PDGFD: variants seen among roughly 807,000 people sequenced by gnomAD.
PDGFD encodes platelet derived growth factor D, also known as platelet-derived growth factor D.
PDGFD carries 30 observed loss-of-function variants against 44.7 expected under a neutral mutation model. That is an observed-to-expected ratio of 0.67 (90% CI 0.50 to 0.91). PDGFD has a LOEUF of 0.91. Among genes scored for constraint, PDGFD ranks in the 40% least tolerant of loss-of-function variants. The probability of loss-of-function intolerance (pLI) is 0.00; values close to 1 mark genes in which losing one functional copy is unlikely to be tolerated. For synonymous variants in PDGFD, 173 were observed against 168.4 expected, an observed-to-expected ratio of 1.03 and a Z score of -0.21; for missense variants, 445 against 457.8, an observed-to-expected ratio of 0.97 and a Z score of 0.25.
At chr11:104,024,751 A>G (rs1183204808) in intron 1 of PDGFD, among the ~76,000 whole-genome samples, 1 of 152,210 alleles carries the variant, frequency 6.6e-6, no homozygotes, top group Non-Finnish European at 1.5e-5. Context: ...TAAGTGGTGC[A>G]TGACTGTACT....
At position 104,036,892 on chromosome 11, in the gene PDGFD, G is replaced by A. The variant is rs753855229; in HGVS notation, c.125-36637C>T. On this transcript the variant is annotated intron_variant, in intron 1 of 6. Transcript: ENST00000393158. ...CACCTTCTCTCTCCAGGTCAGCCCC[G>A]ACTTTGAGCTCCGAAACTTCAAGGT... The A allele has an allele frequency of 2.1e-5, 34 of 1,614,004 alleles. No individual in the cohort carries two copies. In the South Asian group the frequency reaches 3.2e-4, roughly 15 times the overall value.
rs535995234 is a variant in PDGFD at position 104,162,469 on chromosome 11, T to G, written c.124+1335A>C. On this transcript the variant is annotated intron_variant, in intron 1 of 6. Transcript: ENST00000393158. ...TCCTTAAGTGTAGTAAAAAAATAAATAAATAAATAAATTACGTGCTTTTAA... is the reference window on the plus strand; with the variant it reads ...TCCTTAAGTGTAGTAAAAAAATAAAGAAATAAATAAATTACGTGCTTTTAA... Among the ~76,000 whole-genome samples, 9 of 152,018 alleles carry G rather than the reference T, an allele frequency of 5.9e-5. 1 individual carries two copies. In the South Asian group the frequency reaches 1.9e-3, roughly 32 times the overall value.
intron 3 of PDGFD, among the ~76,000 whole-genome samples, chr11:103,985,103 A>T: frequency 9.0e-6 from 1 of 111,436 alleles, no homozygotes; most frequent in African/African-American, 3.6e-5. Flanking sequence ...TTATATATTA[A>T]TTTATTTAAT....
chr11:103,945,754 G>C (rs1191339298), intron 4 of PDGFD: 1 of 152,228 alleles, frequency 6.6e-6, no homozygotes, highest in African/African-American at 2.4e-5. Context: ...ATCTCTCTCA[G>C]AGAAAGCTGT....
chr11:104,131,075 T>C (rs765258623), intron 1 of PDGFD, among the ~76,000 whole-genome samples: 2 of 152,172 alleles, frequency 1.3e-5, no homozygotes, highest in Non-Finnish European at 2.9e-5. Context: ...GAAAATATAT[T>C]GTTCATTGTT....
chr11:103,970,801 C>A (rs1859092443), intron 3 of PDGFD, among the ~76,000 whole-genome samples: 1 of 152,060 alleles, frequency 6.6e-6, no homozygotes, highest in African/African-American at 2.4e-5. Flanking sequence ...AACTAGAAGT[C>A]AGGGCATGAA....
chr11:103,991,162 A>T (rs1184003848), intron 3 of PDGFD, among the ~76,000 whole-genome samples: 1 of 151,780 alleles, frequency 6.6e-6, no homozygotes, highest in Non-Finnish European at 1.5e-5. Flanking sequence ...AAAAAAATTC[A>T]GCTTAGGAGG....
chr11:104,035,043 T>C (rs780235268), intron 1 of PDGFD, among the ~76,000 whole-genome samples: 1 of 151,904 alleles, frequency 6.6e-6, no homozygotes, highest in Non-Finnish European at 1.5e-5. Flanking sequence ...CAGCCTTGTA[T>C]GTGTGTGTGT....
At chr11:104,158,926 G>A (rs950622800) in intron 1 of PDGFD, among the ~76,000 whole-genome samples, 9 of 151,218 alleles carry the variant, frequency 6.0e-5, no homozygotes, top group South Asian at 4.2e-4. Context: ...AGACCGAGGC[G>A]GGTGGATCAC....
At chr11:103,981,058 C>T (rs1038343120) in intron 3 of PDGFD, among the ~76,000 whole-genome samples, 3 of 149,256 alleles carry the variant, frequency 2.0e-5, no homozygotes, top group Middle Eastern at 3.4e-3. Flanking sequence ...CATGTTGGAA[C>T]GTAATCCCCA....
chr11:104,158,528 G>T (rs7119186), intron 1 of PDGFD, among the ~76,000 whole-genome samples: 30,538 of 152,194 alleles, frequency 0.2, 3,070 homozygotes, highest in Middle Eastern at 0.29. Flanking sequence ...GAGGCATTAG[G>T]GATGTTAGAA....
At position 104,003,526 on chromosome 11, in the gene PDGFD, T is replaced by G. The variant is rs1349367449; in HGVS notation, c.125-3271A>C. Among the ~76,000 whole-genome samples, 9 of 152,240 alleles carry G rather than the reference T, an allele frequency of 5.9e-5. No homozygotes were observed. The East Asian group carries it at 1.7e-3, about 29-fold the overall frequency. ...AGGGCAGGTGGCAGTGATGCCACTT[T>G]GGGGGAAAAATAGAAAGGAATGTAA... On this transcript the variant is annotated intron_variant, in intron 1 of 6. Coordinates refer to ENST00000393158, the MANE Select transcript of PDGFD (RefSeq NM_025208.5).
At chr11:104,084,799 T>TATTTTATAAGTATTATAAAATATAA (rs1861102112) in intron 1 of PDGFD, among the ~76,000 whole-genome samples, 2 of 146,368 alleles carry the variant, frequency 1.4e-5, no homozygotes, top group South Asian at 2.1e-4. Context: ...ATAAAATATA[T>TATTTTATAAGTATTATAAAATATAA]ATTTTATAAG....
rs112576365 is a variant in PDGFD, at chr11:104,112,567, C to T, written c.124+51237G>A. ...GATTCTTCTGTTATAAAGACACATG[C>T]ATGCAAATGTTCACTGTAGCACTAT... On this transcript the variant is annotated intron_variant, in intron 1 of 6. Coordinates refer to ENST00000393158, the MANE Select transcript of PDGFD (RefSeq NM_025208.5). 8.0e-3 allele frequency among the ~76,000 whole-genome samples: 1,215 copies of T among 152,128 alleles called. 11 individuals carry two copies. Among genetic ancestry groups the T allele is most frequent in the African/African-American group, 0.019 (801 of 41,522 alleles).
chr11:103,950,932 C>T (rs1336145895), intron 3 of PDGFD, among the ~76,000 whole-genome samples: 1 of 152,144 alleles, frequency 6.6e-6, no homozygotes, highest in Non-Finnish European at 1.5e-5. Context: ...TGCATAGACA[C>T]ATGGTAAAAA....
chr11:104,087,493 A>C (rs10736631), intron 1 of PDGFD, among the ~76,000 whole-genome samples: 115,735 of 152,010 alleles, frequency 0.76, 44,844 homozygotes, highest in African/African-American at 0.92. Context: ...AGGCATGAGC[A>C]ACTGAGCCAC....
intron 1 of PDGFD, chr11:104,036,540 T>A: frequency 2.1e-6 from 1 of 486,232 alleles, no homozygotes; most frequent in Non-Finnish European, 3.7e-6. Context: ...CCATCGTGTA[T>A]CCATGGGAGT....
intron 1 of PDGFD, among the ~76,000 whole-genome samples, chr11:104,163,185 C>T (rs891521922): frequency 6.6e-6 from 1 of 152,126 alleles, no homozygotes; most frequent in Admixed American, 6.5e-5. Context: ...AAGCCTTGGT[C>T]TCCTACACTC....
intron 1 of PDGFD, among the ~76,000 whole-genome samples, chr11:104,036,248 C>T (rs1038814072): frequency 4.0e-5 from 6 of 151,846 alleles, no homozygotes; most frequent in Non-Finnish European, 7.4e-5. Flanking sequence ...GAGGCCAGCC[C>T]GGACAACACA....
Sources: allele counts gnomAD v4.1 joint callset (sites outside exome capture counted in the v4.1 genomes callset), GRCh38; gene constraint gnomAD v4.1.1; transcripts MANE v1.5; gene names NCBI Gene and HGNC (gene_info 2026-07-23, HGNC 2026-07-21).